The following CACNA2D1 variants were observed in gnomAD, a reference collection of about 807,000 sequenced individuals.
The protein encoded by CACNA2D1 is voltage-dependent calcium channel subunit alpha-2/delta-1.
In CACNA2D1, 53 loss-of-function variants were observed where a neutral mutation model predicts 171.5. The observed-to-expected ratio is 0.31, with a 90% CI of 0.25 to 0.39. The LOEUF (loss-of-function observed/expected upper bound fraction) is 0.39, where lower values mean the gene tolerates loss of function less well. Ranked by LOEUF, CACNA2D1 falls within the 10% of genes least tolerant of loss-of-function variation. CACNA2D1 has a pLI of 1.00. For missense variants in CACNA2D1, 903 were observed against 1,299.8 expected, an observed-to-expected ratio of 0.69 and a Z score of 4.69; for synonymous variants, 442 against 443.1, an observed-to-expected ratio of 1.00 and a Z score of 0.03.
At chr7:82,013,000 CTTTAT>C (rs1799982507) in intron 14 of CACNA2D1, among the ~76,000 whole-genome samples, 1 of 151,912 alleles carries the variant, frequency 6.6e-6, no homozygotes, top group East Asian at 1.9e-4. Context: ...CTTGTTGTAA[CTTTAT>C]TTTAGATTGA....
chr7:82,184,117 G>A (rs1026695470), intron 3 of CACNA2D1, among the ~76,000 whole-genome samples: 5 of 149,688 alleles, frequency 3.3e-5, no homozygotes, highest in South Asian at 2.1e-4. Context: ...GATCTTAGAC[G>A]GTAGGCAAAT....
intron 38 of CACNA2D1, among the ~76,000 whole-genome samples, chr7:81,955,754 AATTT>A (rs961624318): frequency 1.2e-4 from 18 of 151,870 alleles, no homozygotes; most frequent in South Asian, 4.2e-4. Flanking sequence ...TCCATTGAGA[AATTT>A]ATTATTTTAT....
intron 1 of CACNA2D1, among the ~76,000 whole-genome samples, chr7:82,410,919 TCA>T (rs1175659438): frequency 6.6e-6 from 1 of 152,232 alleles, no homozygotes; most frequent in African/African-American, 2.4e-5. Context: ...GCCCTCTCTC[TCA>T]TAGGATTACA....
At chr7:82,092,529 C>T (rs1291851393) in intron 6 of CACNA2D1, among the ~76,000 whole-genome samples, 3 of 146,216 alleles carry the variant, frequency 2.1e-5, no homozygotes, top group South Asian at 2.3e-4. Flanking sequence ...CCCACCACCA[C>T]GCCCAGCTAA....
chr7:82,396,101 C>A (rs750549890), intron 1 of CACNA2D1, among the ~76,000 whole-genome samples: 1 of 151,998 alleles, frequency 6.6e-6, no homozygotes, highest in African/African-American at 2.4e-5. Flanking sequence ...AATAATTCGC[C>A]CTTAAACCAA....
At chr7:82,194,572 A>T (rs1990072) in intron 3 of CACNA2D1, among the ~76,000 whole-genome samples, 23,907 of 151,756 alleles carry the variant, frequency 0.16, 2,688 homozygotes, top group African/African-American at 0.31. Flanking sequence ...AAGCTGAAAC[A>T]TTCTAAGTTT....
intron 6 of CACNA2D1, among the ~76,000 whole-genome samples, chr7:82,116,583 G>A (rs1044076706): frequency 5.9e-5 from 9 of 152,094 alleles, no homozygotes; most frequent in Admixed American, 3.9e-4. Context: ...AACACAGACC[G>A]GGAGGGAAAA....
In CACNA2D1 at chr7:82,427,145, C is replaced by T. The variant is rs111376434; in HGVS notation, c.95+16220G>A. Among the ~76,000 whole-genome samples, 934 of 152,184 alleles carry T rather than the reference C, an allele frequency of 6.1e-3. 2 individuals carry two copies. The highest frequency in any genetic ancestry group is 0.01 in the Non-Finnish European group (683 of 68,010). Reference sequence around the variant, plus strand: ...GGAACTTATCTGTACTTGATAAGTCCTTCAATCAGATACAAAAAGAAGCTT... The same window carrying T: ...GGAACTTATCTGTACTTGATAAGTCTTTCAATCAGATACAAAAAGAAGCTT... On this transcript the variant is annotated intron_variant, in intron 1 of 38. Transcript: ENST00000356860.
At chr7:82,105,987 T>C (rs1787715281) in intron 6 of CACNA2D1, among the ~76,000 whole-genome samples, 1 of 152,184 alleles carries the variant, frequency 6.6e-6, no homozygotes, top group African/African-American at 2.4e-5. Flanking sequence ...AAAATAACAT[T>C]ATTCATTAAA....
At chr7:82,296,638 T>C (rs555232639) in intron 3 of CACNA2D1, among the ~76,000 whole-genome samples, 1 of 152,278 alleles carries the variant, frequency 6.6e-6, no homozygotes, top group East Asian at 1.9e-4. Flanking sequence ...TAGCATTCCC[T>C]GACCCCATGC....
intron 3 of CACNA2D1, among the ~76,000 whole-genome samples, chr7:82,325,698 T>C (rs575415057): frequency 1.3e-5 from 2 of 152,314 alleles, no homozygotes; most frequent in African/African-American, 2.4e-5. Flanking sequence ...AGCTATGTAC[T>C]GTAAAGATTA....
chr7:82,071,559 C>T (rs1463300472), intron 7 of CACNA2D1, among the ~76,000 whole-genome samples: 2 of 152,200 alleles, frequency 1.3e-5, no homozygotes, highest in Non-Finnish European at 2.9e-5. Context: ...CTGCGTGTGA[C>T]CCAGAGATCC....
chr7:82,004,140 A>G (rs550013190), intron 18 of CACNA2D1, among the ~76,000 whole-genome samples: 2 of 152,320 alleles, frequency 1.3e-5, no homozygotes, highest in African/African-American at 4.8e-5. Flanking sequence ...ATACTTCAAA[A>G]TTATAAAAAA....
At chr7:82,089,256 T>C (rs1355550836) in intron 6 of CACNA2D1, among the ~76,000 whole-genome samples, 2 of 152,192 alleles carry the variant, frequency 1.3e-5, no homozygotes, top group Non-Finnish European at 2.9e-5. Flanking sequence ...TTTTTCACTA[T>C]AGAAGACTGC....
At chr7:82,323,027 C>T (rs1816187316) in intron 3 of CACNA2D1, among the ~76,000 whole-genome samples, 4 of 152,184 alleles carry the variant, frequency 2.6e-5, no homozygotes, top group African/African-American at 7.2e-5. Context: ...CAGAACACCA[C>T]TTTTAGTCCA....
At chr7:81,976,731 G>A (rs939191144) in intron 24 of CACNA2D1, among the ~76,000 whole-genome samples, 3 of 152,126 alleles carry the variant, frequency 2.0e-5, no homozygotes, top group Non-Finnish European at 2.9e-5. Context: ...GTGGGCACCT[G>A]TAATCCCAGC....
intron 3 of CACNA2D1, among the ~76,000 whole-genome samples, chr7:82,174,328 C>A (rs570724081): frequency 6.6e-6 from 1 of 151,844 alleles, no homozygotes; most frequent in Non-Finnish European, 1.5e-5. Flanking sequence ...GCTAATATTA[C>A]GATATTCAGC....
At chr7:82,249,124 A>C (rs528854263) in intron 3 of CACNA2D1, among the ~76,000 whole-genome samples, 295 of 152,208 alleles carry the variant, frequency 1.9e-3, no homozygotes, top group African/African-American at 6.4e-3. Context: ...TCAAAAAAAA[A>C]AAAAAATGCC....
intron 24 of CACNA2D1, among the ~76,000 whole-genome samples, chr7:81,978,871 T>C (rs951792055): frequency 2.6e-5 from 4 of 151,438 alleles, no homozygotes; most frequent in Non-Finnish European, 4.4e-5. Context: ...CATATGTTAA[T>C]TGAAGTGGAC....
Sources: allele counts gnomAD v4.1 joint callset (sites outside exome capture counted in the v4.1 genomes callset), GRCh38; gene constraint gnomAD v4.1.1; transcripts MANE v1.5; gene names NCBI Gene and HGNC (gene_info 2026-07-23, HGNC 2026-07-21).